The following RPH3AL variants were observed in gnomAD, a reference collection of about 807,000 sequenced individuals.
RPH3AL encodes the protein rab effector Noc2.
Under a neutral mutation model 43.1 loss-of-function variants are expected in RPH3AL, and 38 were observed. The observed-to-expected ratio is 0.88, with a 90% CI of 0.68 to 1.15. RPH3AL has a LOEUF of 1.15. Ranked by LOEUF, RPH3AL falls within the 50% of genes most tolerant of loss-of-function variation. The pLI, the probability that RPH3AL is intolerant of heterozygous loss-of-function variation, is 0.00. For missense variants in RPH3AL, 462 were observed against 423.2 expected, an observed-to-expected ratio of 1.09 and a Z score of -0.81; for synonymous variants, 189 against 176.3, an observed-to-expected ratio of 1.07 and a Z score of -0.57.
At position 283,399 on chromosome 17, in the gene RPH3AL, C is replaced by T. The variant is rs1370334227; in HGVS notation, c.352-1545G>A. Among the ~76,000 whole-genome samples, 4 of 152,118 alleles carry T rather than the reference C, an allele frequency of 2.6e-5. No homozygotes were observed. Among genetic ancestry groups the T allele is most frequent in the African/African-American group, 9.7e-5 (4 of 41,436 alleles). ...AGCTATGATACATTCCTGCGGGGGACGGATTTGCTACCATCCAATGCTCAG... is the reference window on the plus strand; with the variant it reads ...AGCTATGATACATTCCTGCGGGGGATGGATTTGCTACCATCCAATGCTCAG... On this transcript the variant is annotated intron_variant, in intron 5 of 9. Transcript: ENST00000331302. The surrounding 1 kb of genome is among the most constrained non-coding windows in gnomAD (Gnocchi z 4.2).
intron 5 of RPH3AL, among the ~76,000 whole-genome samples, chr17:315,317 G>T (rs2043948477): frequency 1.8e-3 from 9 of 4,930 alleles, no homozygotes; most frequent in Non-Finnish European, 7.2e-3. Context: ...TAGTCCCTGT[G>T]ACCCCACCTC....
At position 309,132 on chromosome 17, in the gene RPH3AL, C is replaced by T. The variant is rs1477811668; in HGVS notation, c.351+10288G>A. 3.9e-5 allele frequency among the ~76,000 whole-genome samples: 6 copies of T among 152,182 alleles called. No homozygotes were observed. In the South Asian group the frequency reaches 1.0e-3, roughly 26 times the overall value. ...GGCAACATAGCAGACCCTGTCTCTA[C>T]AAAAAATAAAAAATTTTCCAGGCGA... On this transcript the variant is annotated intron_variant, in intron 5 of 9. Coordinates refer to ENST00000331302, the MANE Select transcript of RPH3AL (RefSeq NM_006987.4).
chr17:345,896 A>T (rs896824804), intron 1 of RPH3AL, among the ~76,000 whole-genome samples: 4 of 135,212 alleles, frequency 3.0e-5, no homozygotes, highest in African/African-American at 1.0e-4. Flanking sequence ...CCGACTTTGC[A>T]CTGTAAGGAC....
chr17:219,516 CT>C (rs1164238001), intron 8 of RPH3AL, 106 bp downstream of exon 8: 3 of 224,400 alleles, frequency 1.3e-5, no homozygotes, highest in African/African-American at 4.7e-5. Context: ...CATTTCTTTT[CT>C]TTTTCTTCCT....
chr17:344,236 A>ACAG (rs1238227849), intron 1 of RPH3AL, among the ~76,000 whole-genome samples: 1 of 130,072 alleles, frequency 7.7e-6, no homozygotes, highest in Non-Finnish European at 1.7e-5. Context: ...CATCACTGTT[A>ACAG]CATCATCATC....
chr17:219,316 A>T (rs1215396040), intron 8 of RPH3AL, among the ~76,000 whole-genome samples: 1 of 137,980 alleles, frequency 7.2e-6, no homozygotes, highest in Non-Finnish European at 1.5e-5. Flanking sequence ...CTCCTGTCTC[A>T]GCCTCCCAAG....
chr17:232,431 A>G (rs942719105), intron 7 of RPH3AL, among the ~76,000 whole-genome samples: 2 of 152,196 alleles, frequency 1.3e-5, no homozygotes, highest in Non-Finnish European at 2.9e-5. Context: ...GCCAAAGCCC[A>G]TCCCTTTTAC....
chr17:316,544 C>G (rs555710245), intron 5 of RPH3AL, among the ~76,000 whole-genome samples: 1,695 of 148,198 alleles, frequency 0.011, 27 homozygotes, highest in Middle Eastern at 0.023. Flanking sequence ...TGTGACTCCA[C>G]CTCCACTGAC....
rs147345509 is a variant in RPH3AL, at chr17:267,070, G to A, written c.438+14698C>T. Among the ~76,000 whole-genome samples the A allele has an allele frequency of 2.0e-5, 3 of 152,348 alleles. No individual in the cohort carries two copies. The East Asian group carries it at 5.8e-4, about 29-fold the overall frequency. ...TCATCTCTCACGTCACCTGTGATGAGGAAAGGTCCCTACAAGCTGCTGAGA... is the reference window on the plus strand; with the variant it reads ...TCATCTCTCACGTCACCTGTGATGAAGAAAGGTCCCTACAAGCTGCTGAGA... On this transcript the variant is annotated intron_variant, in intron 6 of 9. Coordinates refer to ENST00000331302, the MANE Select transcript of RPH3AL (RefSeq NM_006987.4).
intron 5 of RPH3AL, among the ~76,000 whole-genome samples, chr17:319,188 G>A (rs2044388022): frequency 6.6e-6 from 1 of 152,156 alleles, no homozygotes. Context: ...TCGTGGCTCG[G>A]GTGTGAATCT....
intron 5 of RPH3AL, 106 bp downstream of exon 5, chr17:319,314 C>T: frequency 7.4e-7 from 1 of 1,354,592 alleles, no homozygotes; most frequent in Non-Finnish European, 1.0e-6. Context: ...TACCACATGC[C>T]CAACGCAGAC....
chr17:302,044 C>G (rs1038135786), intron 5 of RPH3AL, among the ~76,000 whole-genome samples: 2 of 152,218 alleles, frequency 1.3e-5, no homozygotes, highest in Non-Finnish European at 2.9e-5. Flanking sequence ...TGAGCCAAAG[C>G]GAACTGGGCG....
At chr17:327,102 C>A (rs60824578) in intron 3 of RPH3AL, among the ~76,000 whole-genome samples, 1 of 152,190 alleles carries the variant, frequency 6.6e-6, no homozygotes, top group African/African-American at 2.4e-5. Context: ...AGTCCTACAG[C>A]TCAGTGACAG....
Position 227,087 on chromosome 17 carries a change from T to G in RPH3AL, c.614-7351A>C, listed in dbSNP as rs868094406. On this transcript the variant is annotated intron_variant, in intron 7 of 9. Transcript: ENST00000331302. ...GGCAGGGGTGGGGGAGAAGCTCCCC[T>G]CCTGGGCCCCTCCACAGGGGCCTGA... Among the ~76,000 whole-genome samples the G allele has an allele frequency of 1.1e-4, 17 of 151,962 alleles. No individual in the cohort carries two copies. In the Middle Eastern group the frequency reaches 0.014, roughly 122 times the overall value.
chr17:281,637 A>T, intron 6 of RPH3AL, 131 bp downstream of exon 6: 1 of 693,562 alleles, frequency 1.4e-6, no homozygotes, highest in Non-Finnish European at 2.6e-6. Flanking sequence ...GTGACTGTCC[A>T]CCCATCCCCA....
chr17:285,530 T>G (rs1336847437), intron 5 of RPH3AL, among the ~76,000 whole-genome samples: 1 of 152,116 alleles, frequency 6.6e-6, no homozygotes, highest in East Asian at 1.9e-4. Flanking sequence ...TTTCCTCTAG[T>G]CCCACACGAT....
chr17:239,846 T>C (rs932590199), intron 7 of RPH3AL, among the ~76,000 whole-genome samples: 1 of 152,216 alleles, frequency 6.6e-6, no homozygotes, highest in Non-Finnish European at 1.5e-5. Context: ...CCCAGGCTAG[T>C]CTTGAACTCT....
chr17:315,602 C>G (rs1279459513), intron 5 of RPH3AL, among the ~76,000 whole-genome samples: 9 of 151,272 alleles, frequency 5.9e-5, no homozygotes, highest in African/African-American at 2.2e-4. Context: ...TGCTCCACCT[C>G]CACTGAACTC....
intron 6 of RPH3AL, among the ~76,000 whole-genome samples, chr17:273,019 A>AG (rs2042536027): frequency 1.7e-5 from 2 of 118,650 alleles, no homozygotes; most frequent in African/African-American, 5.5e-5. Flanking sequence ...GGGCGACATC[A>AG]GGAAGAGACC....
Sources: allele counts gnomAD v4.1 joint callset (sites outside exome capture counted in the v4.1 genomes callset), GRCh38; gene constraint gnomAD v4.1.1; non-coding constraint Gnocchi (gnomAD v3.1); transcripts MANE v1.5; gene names NCBI Gene and HGNC (gene_info 2026-07-23, HGNC 2026-07-21).